DNAH8: variants seen among roughly 807,000 people sequenced by gnomAD.
DNAH8 encodes the protein axonemal beta dynein heavy chain 8.
In DNAH8, 382 loss-of-function variants were observed where a neutral mutation model predicts 562.1. That is an observed-to-expected ratio of 0.68 (90% CI 0.63 to 0.74). The LOEUF (loss-of-function observed/expected upper bound fraction) is 0.74. Ranked by LOEUF, DNAH8 falls within the 30% of genes least tolerant of loss-of-function variation. The pLI is 0.00. For synonymous variants in DNAH8, 1,881 were observed against 1,919.4 expected, an observed-to-expected ratio of 0.98 and a Z score of 0.52; for missense variants, 5,203 against 5,620.4, an observed-to-expected ratio of 0.93 and a Z score of 2.37.
intron 21 of DNAH8, among the ~76,000 whole-genome samples, chr6:38,795,014 C>T (rs1770095595): frequency 6.6e-6 from 1 of 152,166 alleles, no homozygotes; most frequent in South Asian, 2.1e-4. Flanking sequence ...CAAGTTCACG[C>T]ATTACATTTG....
At chr6:38,802,080 G>A (rs1030945643) in intron 21 of DNAH8, among the ~76,000 whole-genome samples, 21 of 149,640 alleles carry the variant, frequency 1.4e-4, no homozygotes, top group African/African-American at 4.9e-4. Context: ...CCACAGGCAC[G>A]CACCACCATG....
chr6:38,893,819 G>A (rs1180880287), intron 58 of DNAH8, among the ~76,000 whole-genome samples: 4 of 152,154 alleles, frequency 2.6e-5, no homozygotes, highest in South Asian at 2.1e-4. Flanking sequence ...GCTGAAATAG[G>A]CGTATGGGGT....
intron 62 of DNAH8, among the ~76,000 whole-genome samples, chr6:38,905,885 G>GT (rs1045405653): frequency 2.7e-5 from 4 of 150,742 alleles, no homozygotes; most frequent in Admixed American, 6.6e-5. Context: ...TATGACTATG[G>GT]TTTTTTTTGT....
intron 47 of DNAH8, 79 bp from the exon 48 acceptor site, chr6:38,867,983 C>G (rs1777182581): frequency 7.1e-7 from 1 of 1,409,102 alleles, no homozygotes; most frequent in African/African-American, 1.4e-5. Context: ...CAGAATCGAC[C>G]TATATGCATA....
chr6:38,839,354 A>C (rs1774575975), intron 33 of DNAH8, among the ~76,000 whole-genome samples: 1 of 140,688 alleles, frequency 7.1e-6, no homozygotes, highest in East Asian at 2.2e-4. Context: ...GAAGCTTTGA[A>C]GTTTTTTTTT....
At chr6:38,897,050 G>T (rs1779747195) in intron 60 of DNAH8, among the ~76,000 whole-genome samples, 1 of 152,030 alleles carries the variant, frequency 6.6e-6, no homozygotes, top group Non-Finnish European at 1.5e-5. Flanking sequence ...ATTTTTAGTA[G>T]AGATGAGGTT....
chr6:38,923,122 G>A lies in DNAH8; in HGVS notation c.10727G>A (p.Gly3576Glu), dbSNP rs1781847244. 2 of 1,613,672 alleles carry A rather than the reference G, an allele frequency of 1.2e-6. No homozygotes were observed. The highest frequency in any genetic ancestry group is 1.7e-6 in the Non-Finnish European group (2 of 1,179,794). The change falls in exon 72 of 93, where the codon GGG (glycine) becomes GAG (glutamate). Residue 3576 changes from glycine to glutamate, a missense_variant. Transcript: ENST00000327475. ...KMQAASTLID[G>E]LSGEKIRWTQ... ...CAGGCCGCCTCCACTCTCATCGATG[G>A]GCTGAGTGGAGAAAAAATCCGGTGG...
intron 17 of DNAH8, among the ~76,000 whole-genome samples, chr6:38,784,410 C>T (rs774637523): frequency 2.6e-5 from 4 of 152,198 alleles, no homozygotes; most frequent in Non-Finnish European, 5.9e-5. Flanking sequence ...CTTATCTGCA[C>T]ATATTCAAAA....
chr6:38,817,588 A>G (rs1772400081), intron 26 of DNAH8, among the ~76,000 whole-genome samples: 1 of 152,334 alleles, frequency 6.6e-6, no homozygotes, highest in Middle Eastern at 3.4e-3. Context: ...CAGCCCACTC[A>G]GGAGTGGCCC....
chr6:38,781,160 A>C lies in DNAH8; in HGVS notation c.2140-94A>C, dbSNP rs998050363. 9.2e-5 allele frequency: 127 copies of C among 1,379,250 alleles called. 1 individual carries two copies. The highest frequency in any genetic ancestry group is 1.2e-4 in the Non-Finnish European group (115 of 991,344). The allele number at this position is 1,379,250 out of a possible 1,614,324, so 85.4% of individuals were successfully genotyped here. On this transcript the variant is annotated intron_variant, in intron 15 of 92. Transcript: ENST00000327475. ...GACTACCTACTGTATATAAAACATG[A>C]ATAATGATAAAACAATACAAATATA...
intron 31 of DNAH8, 67 bp downstream of exon 31, chr6:38,832,502 A>G: frequency 9.8e-7 from 1 of 1,016,994 alleles, no homozygotes; most frequent in Non-Finnish European, 1.5e-6. Context: ...AATGAAAGTG[A>G]TGAACCCTGA....
intron 1 of DNAH8, among the ~76,000 whole-genome samples, chr6:38,717,222 G>T (rs1360521362): frequency 6.6e-6 from 1 of 152,186 alleles, no homozygotes; most frequent in Non-Finnish European, 1.5e-5. Flanking sequence ...AGGAGAGAAG[G>T]ACCCAGAGAA....
rs1244480171 is a variant in DNAH8 at position 39,005,404 on chromosome 6, A to AAAAAC, written c.13215-3391_13215-3387dup. Reference sequence around the variant, plus strand: ...GGGCGACAGAGTAAGACTCTGTCTCAAAAACAAAACAAAACAAAACAAAGT... The same window carrying AAAAAC: ...GGGCGACAGAGTAAGACTCTGTCTCAAAAACAAAACAAAACAAAACAAAACAAAGT... On this transcript the variant is annotated intron_variant, in intron 88 of 92. Coordinates refer to ENST00000327475, the MANE Select transcript of DNAH8 (RefSeq NM_001206927.2). 1.2e-4 allele frequency among the ~76,000 whole-genome samples: 18 copies of AAAAAC among 152,292 alleles called. No individual in the cohort carries two copies. In the South Asian group the frequency reaches 1.4e-3, roughly 12 times the overall value.
At chr6:38,881,116 T>C (rs1778441170) in intron 53 of DNAH8, among the ~76,000 whole-genome samples, 1 of 137,862 alleles carries the variant, frequency 7.3e-6, no homozygotes, top group African/African-American at 2.5e-5. Flanking sequence ...ATGCCAAATA[T>C]TGGTGCCGTA....
rs1435441035 is a variant in DNAH8, at chr6:38,924,427, G to A, written c.10962+265G>A. 9.2e-5 allele frequency among the ~76,000 whole-genome samples: 14 copies of A among 151,878 alleles called. No individual in the cohort carries two copies. In the East Asian group the frequency reaches 2.1e-3, roughly 23 times the overall value. On this transcript the variant is annotated intron_variant, in intron 73 of 92. Transcript: ENST00000327475. Reference sequence around the variant, plus strand: ...CTCAGGAGGCTGAGGCAGGAGAATCGCTTCAACCAGGGAGGCAATGGTTCC... The same window carrying A: ...CTCAGGAGGCTGAGGCAGGAGAATCACTTCAACCAGGGAGGCAATGGTTCC...
intron 2 of DNAH8, 55 bp from the exon 3 acceptor site, chr6:38,723,278 AACAG>A: frequency 6.3e-7 from 1 of 1,577,238 alleles, no homozygotes; most frequent in East Asian, 2.2e-5. Context: ...CAAAGTATGA[AACAG>A]TTTGATATTT....
chr6:39,017,770 A>G (rs188123206), intron 91 of DNAH8, among the ~76,000 whole-genome samples: 1 of 152,284 alleles, frequency 6.6e-6, no homozygotes, highest in African/African-American at 2.4e-5. Flanking sequence ...GAGATGGATC[A>G]TTTTTGTTCT....
chr6:38,906,891 C>T (rs1160363806), intron 63 of DNAH8, among the ~76,000 whole-genome samples: 20 of 152,122 alleles, frequency 1.3e-4, no homozygotes, highest in Admixed American at 1.3e-3. Context: ...CCAAAATGCT[C>T]CAAAATCTGA....
At chr6:38,949,376 G>A (rs1191708244) in intron 80 of DNAH8, 76 bp from the exon 81 acceptor site, 2 of 903,726 alleles carry the variant, frequency 2.2e-6, no homozygotes, top group Admixed American at 3.5e-5. Flanking sequence ...GACCCTCTCA[G>A]GTGATTCAGA....
Sources: allele counts gnomAD v4.1 joint callset (sites outside exome capture counted in the v4.1 genomes callset), GRCh38; gene constraint gnomAD v4.1.1; transcripts MANE v1.5; gene names NCBI Gene and HGNC (gene_info 2026-07-23, HGNC 2026-07-21).